ZNF300: variants seen among roughly 807,000 people sequenced by gnomAD.
The protein encoded by ZNF300 is kruppel-like zinc finger protein.
ZNF300 carries 6 observed loss-of-function variants against 13.9 expected under a neutral mutation model. The observed-to-expected ratio is 0.43, with a 90% CI of 0.24 to 0.85. The LOEUF (loss-of-function observed/expected upper bound fraction) is 0.85, where lower values mean the gene tolerates loss of function less well. Ranked by LOEUF, ZNF300 falls within the 40% of genes least tolerant of loss-of-function variation. The pLI, the probability that ZNF300 is intolerant of heterozygous loss-of-function variation, is 0.25. For synonymous variants in ZNF300, 237 were observed against 242.2 expected (o/e 0.98, Z 0.20); for missense variants, 662 against 714.2 (o/e 0.93, Z 0.83).
At position 150,904,951 on chromosome 5, in the gene ZNF300, C is replaced by A. The variant is rs1755095326; in HGVS notation, c.-389G>T. Reference sequence around the variant, plus strand: ...TCCCTGGAGCTGTTTCCGCATGGGGCCGCCATCTTGAGAGCCCGGTCGTCT... The same window carrying A: ...TCCCTGGAGCTGTTTCCGCATGGGGACGCCATCTTGAGAGCCCGGTCGTCT... On this transcript the variant is annotated 5_prime_UTR_variant, in exon 1 of 6. Transcript: ENST00000274599. The A allele has an allele frequency of 1.3e-5, 2 of 152,326 alleles. No individual in the cohort carries two copies. Among genetic ancestry groups the A allele is most frequent in the African/African-American group, 2.4e-5 (1 of 41,444 alleles). The allele number at this position is 152,326 out of a possible 1,614,324, so 9.4% of individuals were successfully genotyped here.
chr5:150,898,215 T>C, intron 4 of ZNF300, 31 bp from the exon 5 acceptor site: 4 of 1,610,882 alleles, frequency 2.5e-6, no homozygotes, highest in Non-Finnish European at 3.4e-6. Flanking sequence ...AGAATTGAGA[T>C]TGACTGCACT....
Position 150,894,870 on chromosome 5 carries a change from A to G in ZNF300, c.*554T>C, listed in dbSNP as rs1205165763. 1 of 152,330 alleles carries G rather than the reference A, an allele frequency of 6.6e-6. No individual in the cohort carries two copies. The highest frequency in any genetic ancestry group is 1.5e-5 in the Non-Finnish European group (1 of 68,034). The allele number at this position is 152,330 out of a possible 1,614,324, so 9.4% of individuals were successfully genotyped here. On this transcript the variant is annotated 3_prime_UTR_variant, in exon 6 of 6. Transcript: ENST00000274599. Reference sequence around the variant, plus strand: ...CATCAATCTCAAGGTCCTTCCAGAGATGCAGGTCAACTTATATGCTTGAGA... The same window carrying G: ...CATCAATCTCAAGGTCCTTCCAGAGGTGCAGGTCAACTTATATGCTTGAGA...
At chr5:150,903,103 C>G in intron 3 of ZNF300, 38 bp downstream of exon 3, 1 of 1,573,100 alleles carries the variant, frequency 6.4e-7, no homozygotes. Flanking sequence ...TATGAAAAAC[C>G]AAAGAAGAAT....
In ZNF300 at chr5:150,896,773, C is replaced by CTGTT. The variant is rs1209581849; in HGVS notation, c.462_465dup (p.Val156AsnfsTer4). ...TATTTATGCCCTGATGCCTCAGTCA[C>CTGTT]TGTTTTGCTGTTAACAAATGTGACC... On this transcript the variant is annotated frameshift_variant, in exon 6 of 6. Transcript: ENST00000274599. LOFTEE classifies it low-confidence loss of function (END_TRUNC). The CTGTT allele has an allele frequency of 6.2e-7, 1 of 1,613,802 alleles. No individual in the cohort carries two copies. The highest frequency in any genetic ancestry group is 1.1e-5 in the South Asian group (1 of 91,074).
At chr5:150,902,337 TGG>T (rs1755020270) in intron 3 of ZNF300, among the ~76,000 whole-genome samples, 2 of 152,184 alleles carry the variant, frequency 1.3e-5, no homozygotes, top group Non-Finnish European at 2.9e-5. Flanking sequence ...AATTTAAGAA[TGG>T]CTTTTTTGAG....
In ZNF300 at chr5:150,895,979, C is replaced by T; in HGVS notation, c.1260G>A (p.Glu420=). 1 of 1,613,520 alleles carries T rather than the reference C, an allele frequency of 6.2e-7. No individual in the cohort carries two copies. Among genetic ancestry groups the T allele is most frequent in the Non-Finnish European group, 8.5e-7 (1 of 1,179,770 alleles). The part of the protein sequence containing the change: ...ECTECGKAFC[E]KSHLIIHKRI... ...TTTTATGTATAATGAGGTGGGACTTCTCACAGAAGGCTTTCCCACATTCGG... is the reference window on the plus strand; with the variant it reads ...TTTTATGTATAATGAGGTGGGACTTTTCACAGAAGGCTTTCCCACATTCGG... Residue 420 remains glutamate, a synonymous_variant, in exon 6 of 6, where the codon GAG becomes GAA. Coordinates refer to ENST00000274599, the MANE Select transcript of ZNF300 (RefSeq NM_052860.4).
In ZNF300 at chr5:150,895,672, A is replaced by T. The variant is rs750554027; in HGVS notation, c.1567T>A (p.Cys523Ser). Residue 523 changes from cysteine (C) to serine (S), a missense_variant, in exon 6 of 6, where the codon TGT becomes AGT. By Grantham distance (112) the Cys-to-Ser change is moderately radical. Transcript: ENST00000274599. The part of the protein sequence containing the change: ...RIHTGEKPYI[C>S]TECGKAFSQK... ...GAGAAGGCTTTCCCACATTCAGTACATATATAAGGTTTTTCTCCTGTGTGA... is the reference window on the plus strand; with the variant it reads ...GAGAAGGCTTTCCCACATTCAGTACTTATATAAGGTTTTTCTCCTGTGTGA... The T allele has an allele frequency of 6.2e-7, 1 of 1,613,304 alleles. No homozygotes were observed. The highest frequency in any genetic ancestry group is 1.3e-5 in the African/African-American group (1 of 74,832).
At chr5:150,903,505 G>A (rs76805241) in intron 2 of ZNF300, 1 of 771,122 alleles carries the variant, frequency 1.3e-6, no homozygotes, top group Admixed American at 2.2e-5. Flanking sequence ...TCTATTTATA[G>A]AAGATTTTCA....
intron 3 of ZNF300, among the ~76,000 whole-genome samples, chr5:150,899,634 T>C (rs1754924009): frequency 6.6e-6 from 1 of 152,028 alleles, no homozygotes; most frequent in Non-Finnish European, 1.5e-5. Context: ...AACAAAAATG[T>C]ACAGAAAACA....
In ZNF300 at chr5:150,898,448, T is replaced by C; in HGVS notation, c.122A>G (p.Tyr41Cys). Residue 41 changes from tyrosine (Y) to cysteine (C), a missense_variant, in exon 4 of 6, where the codon TAC becomes TGC. Physicochemically the swap from Tyr to Cys is radical, Grantham distance 194. Coordinates refer to ENST00000274599, the MANE Select transcript of ZNF300 (RefSeq NM_052860.4). ...CTTACCCATTGAGACCAGGTGGCTG[T>C]AGTTCTCCAGCATCACATCCCTGTA... Reference protein sequence around the residue: ...TLYRDVMLENYSHLVSMGYPV... With the variant: ...TLYRDVMLENCSHLVSMGYPV... 6.2e-6 allele frequency: 10 copies of C among 1,613,480 alleles called. No individual in the cohort carries two copies. The highest frequency in any genetic ancestry group is 8.5e-6 in the Non-Finnish European group (10 of 1,179,594).
chr5:150,898,351 A>G, intron 4 of ZNF300, 77 bp downstream of exon 4: 2 of 1,610,410 alleles, frequency 1.2e-6, no homozygotes. Context: ...TATGTCAGGA[A>G]CAATCTAATC....
At chr5:150,901,066 G>A (rs555028713) in intron 3 of ZNF300, among the ~76,000 whole-genome samples, 1 of 152,136 alleles carries the variant, frequency 6.6e-6, no homozygotes, top group African/African-American at 2.4e-5. Context: ...GGTGTTAAAG[G>A]CTGAAAAGGA....
At position 150,895,502 on chromosome 5, in the gene ZNF300, A is replaced by G. The variant is rs1410134486; in HGVS notation, c.1737T>C (p.Cys579=). ...GGATGAAGGCCTTCCCACATATAGC[A>G]CATTGATAGGGTCTTTCCCCAGTAT... ...RIHTGERPYQ[C]AICGKAFIQK... is the part of the protein sequence containing the mutation. The change falls in exon 6 of 6, where the codon TGT becomes TGC. Residue 579 remains cysteine, a synonymous_variant. Coordinates refer to ENST00000274599, the MANE Select transcript of ZNF300 (RefSeq NM_052860.4). 12 of 1,613,566 alleles carry G rather than the reference A, an allele frequency of 7.4e-6. No individual in the cohort carries two copies. Among genetic ancestry groups the G allele is most frequent in the Non-Finnish European group, 1.0e-5 (12 of 1,179,722 alleles).
At chr5:150,903,000 T>G in intron 3 of ZNF300, 141 bp downstream of exon 3, 1 of 846,314 alleles carries the variant, frequency 1.2e-6, no homozygotes, top group South Asian at 1.7e-5. Flanking sequence ...GTTTTTTACA[T>G]ATTACCTAGA....
At position 150,895,493 on chromosome 5, in the gene ZNF300, A is replaced by G; in HGVS notation, c.1746T>C (p.Cys582=). 6.2e-7 allele frequency: 1 copy of G among 1,613,400 alleles called. No individual in the cohort carries two copies. Among genetic ancestry groups the G allele is most frequent in the Non-Finnish European group, 8.5e-7 (1 of 1,179,640 alleles). ...TGERPYQCAI[C]GKAFIQKSQL... is the part of the protein sequence containing the mutation. ...GTGACTTCTGGATGAAGGCCTTCCC[A>G]CATATAGCACATTGATAGGGTCTTT... The change falls in exon 6 of 6, where the codon TGT becomes TGC. Residue 582 remains cysteine, a synonymous_variant. Transcript: ENST00000274599.
At position 150,895,966 on chromosome 5, in the gene ZNF300, T is replaced by C. The variant is rs566492867; in HGVS notation, c.1273A>G (p.Ile425Val). ...CCAGTGTGAATTCTTTTATGTATAA[T>C]GAGGTGGGACTTCTCACAGAAGGCT... ...GKAFCEKSHL[I>V]IHKRIHTGEK... is the part of the protein sequence containing the mutation. Residue 425 changes from isoleucine (I) to valine (V), a missense_variant, in exon 6 of 6, where the codon ATT becomes GTT. Coordinates refer to ENST00000274599, the MANE Select transcript of ZNF300 (RefSeq NM_052860.4). The C allele has an allele frequency of 3.7e-6, 6 of 1,613,272 alleles. No individual in the cohort carries two copies. In the East Asian group the frequency reaches 6.7e-5, roughly 18 times the overall value.
At chr5:150,901,941 CCTT>C (rs139499267) in intron 3 of ZNF300, among the ~76,000 whole-genome samples, 5,891 of 152,200 alleles carry the variant, frequency 0.039, 180 homozygotes, top group East Asian at 0.16. Context: ...TTTACTATAA[CCTT>C]CTTTTTCCAA....
In ZNF300 at chr5:150,904,967, C is replaced by T. The variant is rs1269733441; in HGVS notation, c.-405G>A. 2 of 152,280 alleles carry T rather than the reference C, an allele frequency of 1.3e-5. No individual in the cohort carries two copies. Among genetic ancestry groups the T allele is most frequent in the African/African-American group, 4.8e-5 (2 of 41,436 alleles). 9.4% of individuals were successfully genotyped at this position (152,280 alleles called of 1,614,324 possible). ...CGCATGGGGCCGCCATCTTGAGAGC[C>T]CGGTCGTCTTCGTACTAGCGGAGGA... On this transcript the variant is annotated 5_prime_UTR_variant, in exon 1 of 6. Coordinates refer to ENST00000274599, the MANE Select transcript of ZNF300 (RefSeq NM_052860.4).
intron 3 of ZNF300, 30 bp downstream of exon 3, chr5:150,903,110 GA>G: frequency 6.7e-7 from 1 of 1,488,988 alleles, no homozygotes; most frequent in Non-Finnish European, 9.2e-7. Context: ...AACCAAAGAA[GA>G]ATTTTTTTTT....
Sources: gnomAD v4.1 joint callset for allele counts (sites outside exome capture counted in the v4.1 genomes callset) on GRCh38, gnomAD v4.1.1 for gene constraint, MANE v1.5 for transcripts, NCBI Gene and HGNC (gene_info 2026-07-23, HGNC 2026-07-21) for gene names.